USP34: variants seen among roughly 807,000 people sequenced by gnomAD.
USP34 encodes ubiquitin specific peptidase 34.
Under a neutral mutation model 460.3 loss-of-function variants are expected in USP34, and 70 were observed. The ratio of observed to expected loss-of-function variants is 0.15; its 90% CI spans 0.13 to 0.19. The LOEUF (loss-of-function observed/expected upper bound fraction) is 0.19, where lower values mean the gene tolerates loss of function less well. USP34 is among the 10% of genes least tolerant of loss of function. The probability of loss-of-function intolerance (pLI) is 1.00; values close to 1 mark genes in which losing one functional copy is unlikely to be tolerated. For synonymous variants in USP34, 1,647 were observed against 1,405.3 expected, an observed-to-expected ratio of 1.17 and a Z score of -3.85; for missense variants, 3,985 against 4,236.2, an observed-to-expected ratio of 0.94 and a Z score of 1.65.
At chr2:61,341,548 T>A (rs993946608) in intron 16 of USP34, among the ~76,000 whole-genome samples, 5 of 151,998 alleles carry the variant, frequency 3.3e-5, no homozygotes, top group African/African-American at 1.2e-4. Flanking sequence ...AAGATCTGGT[T>A]GTTTAGAAGA....
In USP34 at chr2:61,462,505, T is replaced by C. The variant is rs538234802; in HGVS notation, c.43+8145A>G. On this transcript the variant is annotated intron_variant, in intron 1 of 79. Transcript: ENST00000398571. ...AGGAGGTTGAAGTGAGCCAAGATCATGCCACTGCACTCCAGCCTGGGCCAC... is the reference window on the plus strand; with the variant it reads ...AGGAGGTTGAAGTGAGCCAAGATCACGCCACTGCACTCCAGCCTGGGCCAC... 1.2e-4 allele frequency among the ~76,000 whole-genome samples: 17 copies of C among 140,988 alleles called. No homozygotes were observed. The South Asian group carries it at 3.6e-3, about 30-fold the overall frequency. 92.5% of individuals were successfully genotyped at this position (140,988 alleles called of 152,430 possible). A position where few individuals can be genotyped will look rare whatever the true frequency, so the allele number is the denominator to read the frequency against.
intron 2 of USP34, among the ~76,000 whole-genome samples, chr2:61,410,201 A>C (rs913820276): frequency 6.6e-6 from 1 of 152,148 alleles, no homozygotes; most frequent in African/African-American, 2.4e-5. Context: ...CATAATGTAG[A>C]ATTAGTGGGA....
At chr2:61,338,792 GT>G (rs1691503485) in intron 18 of USP34, among the ~76,000 whole-genome samples, 1 of 152,002 alleles carries the variant, frequency 6.6e-6, no homozygotes, top group Non-Finnish European at 1.5e-5. Context: ...ACACTAATCT[GT>G]TTAAAAACAA....
intron 28 of USP34, 73 bp from the exon 29 acceptor site, chr2:61,301,233 G>GA: frequency 6.6e-7 from 1 of 1,526,166 alleles, no homozygotes; most frequent in Non-Finnish European, 8.8e-7. Context: ...CTGAAGTATA[G>GA]AATCACTTAA....
chr2:61,305,350 A>G (rs1265723583), intron 27 of USP34, among the ~76,000 whole-genome samples: 1 of 152,024 alleles, frequency 6.6e-6, no homozygotes, highest in African/African-American at 2.4e-5. Flanking sequence ...ATAAACTGAC[A>G]AGGAGAAAAA....
At chr2:61,216,701 C>A (rs1572842811) in intron 67 of USP34, among the ~76,000 whole-genome samples, 2 of 151,908 alleles carry the variant, frequency 1.3e-5, no homozygotes, top group Non-Finnish European at 2.9e-5. Context: ...GGCAGATCAT[C>A]TGAGGTCAGG....
chr2:61,470,946 G>A lies in USP34; in HGVS notation c.-254C>T, dbSNP rs1695942674. Among the ~76,000 whole-genome samples, 1 of 137,614 alleles carries A rather than the reference G, an allele frequency of 7.3e-6. No homozygotes were observed. The highest frequency in any genetic ancestry group is 2.6e-5 in the African/African-American group (1 of 38,054). The allele number at this position is 137,614 out of a possible 152,430, so 90.3% of individuals were successfully genotyped here. On this transcript the variant is annotated 5_prime_UTR_variant, in exon 1 of 80. Coordinates refer to ENST00000398571, the MANE Select transcript of USP34 (RefSeq NM_014709.4). Reference sequence around the variant, plus strand: ...GCCGGAGGGGCGCCGAGGCGCCGGCGGCGGGGAAGGGGGGGAAGGACGGGG... The same window carrying A: ...GCCGGAGGGGCGCCGAGGCGCCGGCAGCGGGGAAGGGGGGGAAGGACGGGG...
At chr2:61,383,471 G>C in intron 5 of USP34, 135 bp from the exon 6 acceptor site, 1 of 513,870 alleles carries the variant, frequency 1.9e-6, no homozygotes, top group Non-Finnish European at 3.4e-6. Context: ...TTGGGAGGCT[G>C]AGGTGGGCAG....
chr2:61,388,615 G>A (rs896375460), intron 5 of USP34, among the ~76,000 whole-genome samples: 7 of 151,984 alleles, frequency 4.6e-5, no homozygotes, highest in Admixed American at 2.6e-4. Flanking sequence ...AATTAGCCAG[G>A]CATGGTGGTG....
At chr2:61,370,665 A>C in intron 8 of USP34, 86 bp from the exon 9 acceptor site, 1 of 1,166,384 alleles carries the variant, frequency 8.6e-7, no homozygotes, top group Non-Finnish European at 1.2e-6. Flanking sequence ...GAAAACCTAA[A>C]TTTGTTCCTA....
At chr2:61,235,240 A>C (rs1414479854) in intron 57 of USP34, among the ~76,000 whole-genome samples, 1 of 152,110 alleles carries the variant, frequency 6.6e-6, no homozygotes, top group Non-Finnish European at 1.5e-5. Flanking sequence ...ACCTTAATAA[A>C]GCTGGTTAAG....
Position 61,190,668 on chromosome 2 carries a change from G to A in USP34, c.9589-10C>T. 1.2e-6 allele frequency: 2 copies of A among 1,610,648 alleles called. No individual in the cohort carries two copies. The highest frequency in any genetic ancestry group is 1.7e-6 in the Non-Finnish European group (2 of 1,178,834). ...TTTTTGACATAGCAGACTAAAGTGG[G>A]GAGAAGATGGTTGAGCACTTACGGT... On this transcript the variant is annotated splice_polypyrimidine_tract_variant and intron_variant, in intron 76 of 79. Transcript: ENST00000398571.
intron 1 of USP34, among the ~76,000 whole-genome samples, chr2:61,437,615 T>C (rs906741158): frequency 6.6e-6 from 1 of 151,564 alleles, no homozygotes; most frequent in African/African-American, 2.4e-5. Context: ...CTAATAAAAA[T>C]ACAAAAAATT....
chr2:61,265,003 G>A (rs1689005375), intron 43 of USP34, among the ~76,000 whole-genome samples: 2 of 152,124 alleles, frequency 1.3e-5, no homozygotes, highest in South Asian at 4.1e-4. Flanking sequence ...AAAGAAACAA[G>A]CTAAGTGATT....
chr2:61,394,550 A>T (rs934721620), intron 5 of USP34, among the ~76,000 whole-genome samples: 12 of 62,712 alleles, frequency 1.9e-4, no homozygotes, highest in Non-Finnish European at 3.9e-4. Flanking sequence ...AAAAAAAAAA[A>T]AAAAAAAATA....
intron 3 of USP34, among the ~76,000 whole-genome samples, chr2:61,396,841 A>G (rs1452527315): frequency 6.6e-6 from 1 of 152,212 alleles, no homozygotes; most frequent in Non-Finnish European, 1.5e-5. Flanking sequence ...TTGGGGGATG[A>G]TGGAAATACT....
chr2:61,403,206 T>C (rs531937886), intron 3 of USP34, among the ~76,000 whole-genome samples: 1 of 152,110 alleles, frequency 6.6e-6, no homozygotes, highest in African/African-American at 2.4e-5. Flanking sequence ...CGAATAATAA[T>C]AACAAAGTAC....
intron 59 of USP34, 67 bp from the exon 60 acceptor site, chr2:61,229,062 T>C (rs1020957658): frequency 3.2e-6 from 4 of 1,265,174 alleles, no homozygotes; most frequent in African/African-American, 1.5e-5. Context: ...AGAGAAAAAG[T>C]ACTTTTTAAA....
Position 61,319,213 on chromosome 2 carries a change from G to C in USP34, c.3128C>G (p.Ala1043Gly). 1.3e-6 allele frequency: 2 copies of C among 1,586,420 alleles called. No individual in the cohort carries two copies. The highest frequency in any genetic ancestry group is 1.7e-6 in the Non-Finnish European group (2 of 1,171,762). ...LNQVRSKDQHAMGMETYKHLF... is the reference protein window; with the variant it reads ...LNQVRSKDQHGMGMETYKHLF... ...ATGTTTGTAGGTTTCCATACCCATA[G>C]CATGTTGATCTTTACTTCGAACTTG... is the stretch of plus-strand genomic sequence containing the variant. Residue 1043 changes from alanine to glycine, a missense_variant, in exon 22 of 80, where the codon GCT becomes GGT. This residue lies in a region of USP34 where 1,114 missense variants were observed against 1,122.5 expected (regional missense o/e 0.99). Coordinates refer to ENST00000398571, the MANE Select transcript of USP34 (RefSeq NM_014709.4).
Sources: gnomAD v4.1 joint callset for allele counts (sites outside exome capture counted in the v4.1 genomes callset) on GRCh38, gnomAD v4.1.1 for gene constraint, gnomAD v4.1.1 regional missense constraint, MANE v1.5 for transcripts, NCBI Gene and HGNC (gene_info 2026-07-23, HGNC 2026-07-21) for gene names.